Variants in KLF13 observed in about 807,000 individuals in gnomAD.
KLF13 encodes the protein KLF transcription factor 13.
In KLF13, 8 loss-of-function variants were observed where a neutral mutation model predicts 16.7. The observed-to-expected ratio is 0.48, with a 90% CI of 0.28 to 0.87. The LOEUF is 0.87. Among genes scored for constraint, KLF13 ranks in the 40% least tolerant of loss-of-function variants. The probability of loss-of-function intolerance (pLI) is 0.10; values close to 1 mark genes in which losing one functional copy is unlikely to be tolerated. For synonymous variants in KLF13, 245 were observed against 208.4 expected, an observed-to-expected ratio of 1.18 and a Z score of -1.51; for missense variants, 447 against 452.2, an observed-to-expected ratio of 0.99 and a Z score of 0.10.
At chr15:31,392,200 G>A (rs976065312), upstream of KLF13, among the ~76,000 whole-genome samples, 3 of 152,220 alleles carry the variant, frequency 2.0e-5, no homozygotes, top group Non-Finnish European at 2.9e-5. Flanking sequence ...CCCACGGCGA[G>A]CTCAGATGAC....
intron 1 of KLF13, among the ~76,000 whole-genome samples, chr15:31,384,979 G>A (rs1435002571): frequency 6.6e-6 from 1 of 152,176 alleles, no homozygotes; most frequent in African/African-American, 2.4e-5. Flanking sequence ...GCCTTGGGGA[G>A]GTGATTAGAC....
At chr15:31,398,274 A>G (rs2039983000) in intron 2 of KLF13, among the ~76,000 whole-genome samples, 1 of 152,150 alleles carries the variant, frequency 6.6e-6, no homozygotes, top group African/African-American at 2.4e-5. Flanking sequence ...ACAGCAAGGA[A>G]ACAGCCCAGG....
At chr15:31,435,097 G>A (rs376386016) in intron 1 of KLF13, among the ~76,000 whole-genome samples, 30 of 152,192 alleles carry the variant, frequency 2.0e-4, no homozygotes, top group African/African-American at 6.8e-4. Flanking sequence ...GCTAAGGGAC[G>A]GGGCGGGTGC....
At chr15:31,396,348 AG>A (rs1229476654) in intron 2 of KLF13, among the ~76,000 whole-genome samples, 2 of 150,848 alleles carry the variant, frequency 1.3e-5, no homozygotes, top group Non-Finnish European at 3.0e-5. Flanking sequence ...TAGTAGAGAC[AG>A]GGTTTCACCA....
intron 1 of KLF13, among the ~76,000 whole-genome samples, chr15:31,383,372 C>T (rs2039751615): frequency 1.3e-5 from 2 of 152,154 alleles, no homozygotes; most frequent in Non-Finnish European, 2.9e-5. Flanking sequence ...TTTGGGAAGA[C>T]CAGCTACTAG....
At chr15:31,360,725 C>T (rs541810779) in intron 1 of KLF13, among the ~76,000 whole-genome samples, 3 of 152,302 alleles carry the variant, frequency 2.0e-5, no homozygotes, top group African/African-American at 4.8e-5. Context: ...TGTTTTGTCT[C>T]GGCTCCCTCA....
At chr15:31,412,149 C>A (rs1019473691) in intron 1 of KLF13, among the ~76,000 whole-genome samples, 2 of 152,162 alleles carry the variant, frequency 1.3e-5, no homozygotes, top group African/African-American at 4.8e-5. Flanking sequence ...ATAAAAAAGG[C>A]TCAAGGGAGC....
At chr15:31,383,767 T>C (rs949296033) in intron 1 of KLF13, among the ~76,000 whole-genome samples, 4 of 151,854 alleles carry the variant, frequency 2.6e-5, no homozygotes, top group African/African-American at 7.3e-5. Flanking sequence ...CTGGGCGTGG[T>C]GGTGGGCGCC....
intron 1 of KLF13, among the ~76,000 whole-genome samples, chr15:31,384,729 C>T (rs985904756): frequency 2.6e-5 from 4 of 152,132 alleles, no homozygotes; most frequent in South Asian, 2.1e-4. Flanking sequence ...AGGACAGACA[C>T]GCCCAAAGGC....
upstream of KLF13, among the ~76,000 whole-genome samples, chr15:31,392,475 C>A (rs568458859): frequency 4.3e-4 from 65 of 152,248 alleles, no homozygotes; most frequent in Non-Finnish European, 2.9e-5. Context: ...CAGCTCTCAC[C>A]CGCGTCCTTT....
intron 2 of KLF13, among the ~76,000 whole-genome samples, chr15:31,402,872 A>C (rs371540823): frequency 5.1e-5 from 5 of 97,698 alleles, no homozygotes; most frequent in African/African-American, 1.5e-4. Flanking sequence ...GGAAAAAAAA[A>C]ACAACTTTTA....
At chr15:31,387,876 G>C (rs2039811375), upstream of KLF13, among the ~76,000 whole-genome samples, 1 of 152,232 alleles carries the variant, frequency 6.6e-6, no homozygotes, top group Admixed American at 6.5e-5. Context: ...ACCAGGCAGA[G>C]CTTTGTCCCA....
upstream of KLF13, among the ~76,000 whole-genome samples, chr15:31,391,714 G>A (rs1352288357): frequency 6.7e-6 from 1 of 150,076 alleles, no homozygotes; most frequent in Admixed American, 6.6e-5. Context: ...CTGTAGGGGG[G>A]CTGTGGGGGG....
chr15:31,329,427 G>T lies in KLF13; in HGVS notation c.577+1638G>T, dbSNP rs538016091. 6.6e-5 allele frequency among the ~76,000 whole-genome samples: 10 copies of T among 152,184 alleles called. No homozygotes were observed. The East Asian group carries it at 1.9e-3, about 29-fold the overall frequency. The stretch of plus-strand genomic sequence containing the variant: ...CTTAATGTTTGGGAAATTTTTCTAC[G>T]GCCTCTGTCAGGGTGGCCTGCCACT... On this transcript the variant is annotated intron_variant, in intron 1 of 1. Coordinates refer to ENST00000307145, the MANE Select transcript of KLF13 (RefSeq NM_015995.4).
intron 1 of KLF13, among the ~76,000 whole-genome samples, chr15:31,370,673 C>T (rs1424215043): frequency 1.3e-5 from 2 of 152,166 alleles, no homozygotes; most frequent in East Asian, 3.8e-4. Context: ...CCCGCCTCAG[C>T]CTCCCAAAGT....
chr15:31,362,982 T>TTGAC (rs2039413050), intron 1 of KLF13, among the ~76,000 whole-genome samples: 1 of 152,230 alleles, frequency 6.6e-6, no homozygotes, highest in African/African-American at 2.4e-5. Context: ...TCCTGCTGCA[T>TTGAC]TGACTAATCA....
At chr15:31,419,230 C>G (rs11071009) in intron 1 of KLF13, among the ~76,000 whole-genome samples, 18,737 of 151,872 alleles carry the variant, frequency 0.12, 3,380 homozygotes, top group African/African-American at 0.4. Context: ...TTCAAAAGCA[C>G]AAATCCCAGT....
At position 31,420,748 on chromosome 15, in the gene KLF13, A is replaced by G. The variant is rs12101571; in HGVS notation, n.118-14622A>G. 2.8e-3 allele frequency: 642 copies of G among 231,054 alleles called. 1 individual carries two copies. Among genetic ancestry groups the G allele is most frequent in the African/African-American group, 0.015 (611 of 40,414 alleles). The allele number at this position is 231,054 out of a possible 1,614,324, so 14.3% of individuals were successfully genotyped here. ...TGCTCTGTTGCCCAGGCTGGAGTGC[A>G]GTGGTGAGATCTCAGCTCACTGCAA... On this transcript the variant is annotated intron_variant and non_coding_transcript_variant, in intron 1 of 1. Transcript: ENST00000558225.
downstream of KLF13, among the ~76,000 whole-genome samples, chr15:31,406,113 G>A (rs1355193527): frequency 6.6e-6 from 1 of 152,160 alleles, no homozygotes; most frequent in Admixed American, 6.5e-5. Flanking sequence ...CAGACTGTAG[G>A]GCAAGAAGAC....
Sources: allele counts gnomAD v4.1 joint callset (sites outside exome capture counted in the v4.1 genomes callset), GRCh38; gene constraint gnomAD v4.1.1; transcripts MANE v1.5; gene names NCBI Gene and HGNC (gene_info 2026-07-23, HGNC 2026-07-21).